Variants in ZNF536 observed in about 807,000 individuals in gnomAD.
The protein encoded by ZNF536 is zinc finger protein 536.
ZNF536 carries 13 observed loss-of-function variants against 84.5 expected under a neutral mutation model. The ratio of observed to expected loss-of-function variants is 0.15; its 90% confidence interval spans 0.10 to 0.24. The LOEUF (loss-of-function observed/expected upper bound fraction) is 0.24, where lower values mean the gene tolerates loss of function less well. Among genes scored for constraint, ZNF536 ranks in the 10% least tolerant of loss-of-function variants. The pLI is 1.00. For missense variants in ZNF536, 1,536 were observed against 1,747.5 expected (o/e 0.88, Z 2.16); for synonymous variants, 811 against 742.5 (o/e 1.09, Z -1.50).
intron 1 of ZNF536, among the ~76,000 whole-genome samples, chr19:30,675,190 T>A (rs1288571183): frequency 6.6e-6 from 1 of 152,214 alleles, no homozygotes. Flanking sequence ...ATTTAGGCTT[T>A]GGGGGCCATT....
At chr19:30,433,656 C>T (rs1299761179) in intron 1 of ZNF536, among the ~76,000 whole-genome samples, 1 of 152,164 alleles carries the variant, frequency 6.6e-6, no homozygotes, top group African/African-American at 2.4e-5. Context: ...TGCCACCACA[C>T]CTGGCTAATT....
At chr19:30,285,084 T>C (rs1474462910) in intron 2 of ZNF536, among the ~76,000 whole-genome samples, 2 of 152,258 alleles carry the variant, frequency 1.3e-5, no homozygotes, top group Non-Finnish European at 2.9e-5. Flanking sequence ...TCAGTGGGGC[T>C]GTCAGTGCCG....
intron 1 of ZNF536, among the ~76,000 whole-genome samples, chr19:30,283,638 G>A (rs1184321755): frequency 6.6e-6 from 1 of 152,138 alleles, no homozygotes; most frequent in Non-Finnish European, 1.5e-5. Flanking sequence ...GTCTACTGTA[G>A]AGGGCTCCAT....
chr19:30,444,946 G>A lies in ZNF536; in HGVS notation c.1384G>A (p.Glu462Lys), dbSNP rs779646468. ...TGGCAAGGGCGAGCTGCCCATGAAG[G>A]AGAAGGAAGCGCTGGGGAAGCTGCT... ...LYGKGELPMK[E>K]KEALGKLLSP... Residue 462 changes from glutamate (E) to lysine (K), a missense_variant, in exon 2 of 5, where the codon GAG (glutamate) becomes AAG (lysine). Around this residue, in one of 8 missense-constraint regions of ZNF536, gnomAD observed 366 missense variants for 364.4 expected, o/e 1.00. Transcript: ENST00000355537. 8.1e-6 allele frequency: 13 copies of A among 1,611,728 alleles called. No homozygotes were observed. Among genetic ancestry groups the A allele is most frequent in the Non-Finnish European group, 1.0e-5 (12 of 1,179,162 alleles).
intron 1 of ZNF536, among the ~76,000 whole-genome samples, chr19:30,666,602 C>CG (rs1389781580): frequency 1.3e-5 from 2 of 151,912 alleles, no homozygotes; most frequent in East Asian, 3.9e-4. Context: ...GGAACAGCTC[C>CG]GGGCTCTGGG....
chr19:30,581,903 C>A (rs908739181), intron 1 of ZNF536, among the ~76,000 whole-genome samples: 5 of 152,132 alleles, frequency 3.3e-5, no homozygotes, highest in Non-Finnish European at 7.3e-5. Flanking sequence ...CACTGCACTC[C>A]AGCCTGGTGA....
rs569680950 is a variant in ZNF536 at position 30,455,377 on chromosome 19, G to A, written c.2170+9645G>A. On this transcript the variant is annotated intron_variant, in intron 2 of 4. Coordinates refer to ENST00000355537, the MANE Select transcript of ZNF536 (RefSeq NM_014717.3). The stretch of plus-strand genomic sequence containing the variant: ...TACATTCATATAATGTGTAAAGATC[G>A]AATCAGGGTAATTGGGACCTTCATC... 3.3e-5 allele frequency among the ~76,000 whole-genome samples: 5 copies of A among 152,120 alleles called. No homozygotes were observed. In the East Asian group the frequency reaches 5.8e-4, roughly 18 times the overall value.
intron 1 of ZNF536, among the ~76,000 whole-genome samples, chr19:30,420,920 C>A (rs2050928129): frequency 6.6e-6 from 1 of 152,198 alleles, no homozygotes; most frequent in Non-Finnish European, 1.5e-5. Flanking sequence ...CTGCCTGAGA[C>A]GAATGCTTGG....
chr19:30,485,090 G>T (rs1021964490), intron 2 of ZNF536, among the ~76,000 whole-genome samples: 1 of 152,050 alleles, frequency 6.6e-6, no homozygotes, highest in Non-Finnish European at 1.5e-5. Context: ...CTTTCAGTGA[G>T]CAGAGATCGC....
intron 2 of ZNF536, among the ~76,000 whole-genome samples, chr19:30,525,314 T>G (rs1429779267): frequency 6.6e-6 from 1 of 152,244 alleles, no homozygotes; most frequent in East Asian, 1.9e-4. Context: ...TCCGATGTTT[T>G]GACGGTGCCC....
At chr19:30,431,792 G>A (rs1316405559) in intron 1 of ZNF536, among the ~76,000 whole-genome samples, 1 of 152,128 alleles carries the variant, frequency 6.6e-6, no homozygotes, top group Non-Finnish European at 1.5e-5. Flanking sequence ...CCAGGGCAGG[G>A]GCTGTGCGCT....
intron 1 of ZNF536, among the ~76,000 whole-genome samples, chr19:30,672,866 A>G (rs2050608801): frequency 6.6e-6 from 1 of 152,184 alleles, no homozygotes; most frequent in South Asian, 2.1e-4. Flanking sequence ...ATGGAGTCTT[A>G]TTCCTGCTGG....
At chr19:30,394,551 G>A (rs1358476528) in intron 1 of ZNF536, among the ~76,000 whole-genome samples, 2 of 152,130 alleles carry the variant, frequency 1.3e-5, no homozygotes, top group Non-Finnish European at 2.9e-5. Flanking sequence ...TCCTTCTTCA[G>A]CGTCCCTTCC....
At position 30,548,103 on chromosome 19, in the gene ZNF536, A is replaced by C. The variant is rs768923292; in HGVS notation, c.2484A>C (p.Lys828Asn). Residue 828 changes from lysine (K) to asparagine (N), a missense_variant, in exon 4 of 5, where the codon AAA becomes AAC. Physicochemically the swap from Lys to Asn is moderately conservative, Grantham distance 94. This residue lies in a region of ZNF536 where 624 missense variants were observed against 603.1 expected (regional missense o/e 1.03). Transcript: ENST00000355537. ...ACCACAAGGATGAGATGTCAAGCAA[A>C]GCTTCTCTGTTCATCAGGCCAGACA... ...NQDHKDEMSSKASLFIRPDIL... is the reference protein window; with the variant it reads ...NQDHKDEMSSNASLFIRPDIL... 83 of 1,613,974 alleles carry C rather than the reference A, an allele frequency of 5.1e-5. No individual in the cohort carries two copies. Among genetic ancestry groups the C allele is most frequent in the Middle Eastern group, 3.3e-4 (2 of 6,084 alleles).
intron 1 of ZNF536, among the ~76,000 whole-genome samples, chr19:30,378,997 G>A (rs879709757): frequency 2.0e-5 from 3 of 152,186 alleles, no homozygotes; most frequent in South Asian, 4.1e-4. Context: ...TGTGGGGAGG[G>A]GGTGATAGCT....
intron 1 of ZNF536, among the ~76,000 whole-genome samples, chr19:30,275,517 A>G (rs995399338): frequency 3.3e-5 from 5 of 152,088 alleles, no homozygotes; most frequent in African/African-American, 1.2e-4. Flanking sequence ...GGCTGTAGGG[A>G]AGAGATGCTG....
chr19:30,402,655 C>T (rs527900218), intron 1 of ZNF536, among the ~76,000 whole-genome samples: 1 of 151,814 alleles, frequency 6.6e-6, no homozygotes, highest in East Asian at 1.9e-4. Context: ...AGCTTGCAAA[C>T]CGCGGCCGAC....
chr19:30,693,608 C>T (rs2051517959), intron 1 of ZNF536, among the ~76,000 whole-genome samples: 1 of 151,986 alleles, frequency 6.6e-6, no homozygotes, highest in South Asian at 2.1e-4. Context: ...AAAGACACCT[C>T]TCTTCTGTGT....
At chr19:30,634,148 T>G (rs2048983539) in intron 1 of ZNF536, among the ~76,000 whole-genome samples, 1 of 151,878 alleles carries the variant, frequency 6.6e-6, no homozygotes. Context: ...CCAAATGTCT[T>G]TCTCTCCCGC....
Sources: gnomAD v4.1 joint callset for allele counts (sites outside exome capture counted in the v4.1 genomes callset) on GRCh38, gnomAD v4.1.1 for gene constraint, gnomAD v4.1.1 regional missense constraint, MANE v1.5 for transcripts, NCBI Gene and HGNC (gene_info 2026-07-23, HGNC 2026-07-21) for gene names.